The following TAF1B variants were observed in gnomAD, a reference collection of about 807,000 sequenced individuals.
TAF1B encodes TATA-box binding protein associated factor, RNA polymerase I subunit B, also known as TATA box-binding protein-associated factor RNA polymerase I subunit B.
Under a neutral mutation model 83.9 loss-of-function variants are expected in TAF1B, and 61 were observed. The observed-to-expected ratio is 0.73, with a 90% CI of 0.59 to 0.90. The LOEUF is 0.90. Ranked by LOEUF, TAF1B falls within the 40% of genes least tolerant of loss-of-function variation. TAF1B has a pLI of 0.00. For synonymous variants in TAF1B, 221 were observed against 224.6 expected (o/e 0.98, Z 0.14); for missense variants, 625 against 677.0 (o/e 0.92, Z 0.85).
At chr2:9,846,159 A>G in intron 2 of TAF1B, 1 of 466,978 alleles carries the variant, frequency 2.1e-6, no homozygotes, top group Non-Finnish European at 4.4e-6. Flanking sequence ...TGAGTTTGCC[A>G]AAGTTACCCA....
At chr2:9,855,217 G>C (rs1663523341) in intron 5 of TAF1B, among the ~76,000 whole-genome samples, 1 of 152,134 alleles carries the variant, frequency 6.6e-6, no homozygotes, top group Non-Finnish European at 1.5e-5. Context: ...CTGATCTTGA[G>C]CTCCTGACCG....
chr2:9,878,763 T>A (rs1224418823), intron 7 of TAF1B, among the ~76,000 whole-genome samples: 1 of 152,204 alleles, frequency 6.6e-6, no homozygotes, highest in Non-Finnish European at 1.5e-5. Context: ...CTCACAAATT[T>A]CAAGACCAGA....
intron 5 of TAF1B, among the ~76,000 whole-genome samples, chr2:9,864,421 A>C (rs534892655): frequency 1.3e-5 from 2 of 152,204 alleles, no homozygotes; most frequent in Non-Finnish European, 2.9e-5. Context: ...GACCAATAAG[A>C]GGCTCTGAAA....
At chr2:9,881,407 C>T (rs1664504179) in intron 7 of TAF1B, among the ~76,000 whole-genome samples, 1 of 152,054 alleles carries the variant, frequency 6.6e-6, no homozygotes, top group South Asian at 2.1e-4. Context: ...GTCAGCCCAG[C>T]TCTTCAAGGC....
At chr2:9,927,789 T>A (rs935732769) in intron 14 of TAF1B, among the ~76,000 whole-genome samples, 2 of 152,238 alleles carry the variant, frequency 1.3e-5, no homozygotes, top group Admixed American at 6.5e-5. Flanking sequence ...ATGGGTAGAT[T>A]GAAAAAATTT....
At position 9,933,971 on chromosome 2, in the gene TAF1B, T is replaced by C; in HGVS notation, c.1754T>C (p.Val585Ala). The change falls in exon 15 of 15, where the codon GTG becomes GCG. Residue 585 changes from valine to alanine, a missense_variant. Transcript: ENST00000263663. The part of the protein sequence containing the change: ...VKRKKSRSKK[V>A]RRH ...AGAAAGAAATCAAGATCCAAGAAAGTGAGACGACATTGAGAAAATGAAATA... is the reference window on the plus strand; with the variant it reads ...AGAAAGAAATCAAGATCCAAGAAAGCGAGACGACATTGAGAAAATGAAATA... 1.3e-6 allele frequency: 2 copies of C among 1,594,442 alleles called. No homozygotes were observed. The highest frequency in any genetic ancestry group is 2.3e-5 in the South Asian group (2 of 86,958).
At chr2:9,856,668 G>A (rs1663576035) in intron 5 of TAF1B, among the ~76,000 whole-genome samples, 1 of 152,088 alleles carries the variant, frequency 6.6e-6, no homozygotes, top group African/African-American at 2.4e-5. Context: ...GGGATTCTCT[G>A]ACATTTAAAT....
intron 14 of TAF1B, among the ~76,000 whole-genome samples, chr2:9,920,663 T>C (rs1665851744): frequency 6.6e-6 from 1 of 152,154 alleles, no homozygotes; most frequent in African/African-American, 2.4e-5. Context: ...ACAGTGTAGT[T>C]ACTATGTTTC....
chr2:9,908,063 T>C (rs992499481), intron 9 of TAF1B, among the ~76,000 whole-genome samples: 1 of 68,376 alleles, frequency 1.5e-5, no homozygotes, highest in East Asian at 4.4e-4. Flanking sequence ...TTTTTTTTTT[T>C]GAGACAAAGT....
intron 1 of TAF1B, among the ~76,000 whole-genome samples, chr2:9,844,987 CT>C (rs887786745): frequency 4.0e-5 from 6 of 151,572 alleles, no homozygotes; most frequent in South Asian, 4.2e-4. Flanking sequence ...ACCTCCTTTT[CT>C]TTTTTTTTCC....
chr2:9,869,454 A>T (rs1664097212), intron 6 of TAF1B, among the ~76,000 whole-genome samples: 1 of 150,380 alleles, frequency 6.6e-6, no homozygotes, highest in African/African-American at 2.4e-5. Context: ...CAAACTCCTG[A>T]CCTTGTGATC....
intron 9 of TAF1B, among the ~76,000 whole-genome samples, chr2:9,906,865 G>A (rs969855931): frequency 3.9e-5 from 6 of 151,974 alleles, no homozygotes; most frequent in African/African-American, 1.2e-4. Flanking sequence ...TAATGGGCAC[G>A]GGGAGTGCAA....
chr2:9,908,106 C>T (rs1221524061), intron 9 of TAF1B, among the ~76,000 whole-genome samples: 3 of 130,920 alleles, frequency 2.3e-5, no homozygotes, highest in African/African-American at 9.7e-5. Flanking sequence ...AGTGTAATGG[C>T]GTGATCTCCG....
chr2:9,884,510 C>T (rs1046005029), intron 8 of TAF1B, among the ~76,000 whole-genome samples: 1 of 152,220 alleles, frequency 6.6e-6, no homozygotes, highest in Non-Finnish European at 1.5e-5. Context: ...TATTGAGCGA[C>T]AGAACAGCTC....
chr2:9,854,837 G>A (rs892159745), intron 5 of TAF1B, among the ~76,000 whole-genome samples: 2 of 152,148 alleles, frequency 1.3e-5, no homozygotes, highest in African/African-American at 4.8e-5. Context: ...AAGCCTTTAT[G>A]TGAAGAAAAA....
rs139853681 is a variant in TAF1B, at chr2:9,889,229, A to G, written c.807+6424A>G. Among the ~76,000 whole-genome samples, 804 of 152,060 alleles carry G rather than the reference A, an allele frequency of 5.3e-3. 9 individuals are homozygous for G. Among genetic ancestry groups the G allele is most frequent in the African/African-American group, 0.018 (753 of 41,474 alleles). On this transcript the variant is annotated intron_variant, in intron 8 of 14. Transcript: ENST00000263663. ...TGCCTTTTTCTGGGATACTAATTAC[A>G]TGCTAGACCACTTGATATGGTACCA...
At position 9,910,789 on chromosome 2, in the gene TAF1B, G is replaced by A; in HGVS notation, c.1009G>A (p.Val337Met). The change falls in exon 10 of 15, where the codon GTG becomes ATG. Residue 337 changes from valine to methionine, a missense_variant. Val to Met is a conservative substitution (Grantham distance 21). Transcript: ENST00000263663. ...GGTAAAAATGACTGGAATGGGAGAA[G>A]TGGATTTTCTGACATTTGATCCTAT... ...HVVKMTGMGE[V>M]DFLTFDPIAK... 6.2e-7 allele frequency: 1 copy of A among 1,613,658 alleles called. No homozygotes were observed. The highest frequency in any genetic ancestry group is 8.5e-7 in the Non-Finnish European group (1 of 1,179,732).
chr2:9,845,439 T>G, intron 2 of TAF1B, 121 bp downstream of exon 2: 7 of 701,764 alleles, frequency 1.0e-5, no homozygotes, highest in Non-Finnish European at 1.7e-5. Flanking sequence ...ATGCCAACAT[T>G]CCAAGGATGC....
At chr2:9,892,312 CAATG>C (rs1398880714) in intron 8 of TAF1B, among the ~76,000 whole-genome samples, 1 of 152,186 alleles carries the variant, frequency 6.6e-6, no homozygotes, top group African/African-American at 2.4e-5. Flanking sequence ...ACTCTTCACA[CAATG>C]AAATTACCCA....
Sources: allele counts gnomAD v4.1 joint callset (sites outside exome capture counted in the v4.1 genomes callset), GRCh38; gene constraint gnomAD v4.1.1; transcripts MANE v1.5; gene names NCBI Gene and HGNC (gene_info 2026-07-23, HGNC 2026-07-21).